Variants in SORCS3 observed in about 807,000 individuals in gnomAD.
The protein encoded by SORCS3 is sortilin related VPS10 domain containing receptor 3, also known as VPS10 domain-containing receptor SorCS3.
A neutral mutation model predicts 146.3 loss-of-function variants in SORCS3; 57 were observed. That is an observed-to-expected ratio of 0.39 (90% CI 0.31 to 0.49). The LOEUF is 0.49. SORCS3 is among the 20% of genes least tolerant of loss of function. The pLI is 0.92. For synonymous variants in SORCS3, 653 were observed against 618.5 expected (o/e 1.06, Z -0.83); for missense variants, 1,341 against 1,575.5 (o/e 0.85, Z 2.52).
chr10:104,755,206 T>C (rs1253828621), intron 1 of SORCS3, among the ~76,000 whole-genome samples: 1 of 152,224 alleles, frequency 6.6e-6, no homozygotes, highest in African/African-American at 2.4e-5. Flanking sequence ...AATGATTTGG[T>C]ACATTCATTC....
chr10:104,711,139 A>G (rs58848078), intron 1 of SORCS3, among the ~76,000 whole-genome samples: 1,675 of 152,326 alleles, frequency 0.011, 31 homozygotes, highest in African/African-American at 0.038. Flanking sequence ...CACTTACAAT[A>G]TACCAGGTAC....
At chr10:105,108,886 A>G (rs542280450) in intron 7 of SORCS3, among the ~76,000 whole-genome samples, 1 of 152,158 alleles carries the variant, frequency 6.6e-6, no homozygotes, top group African/African-American at 2.4e-5. Flanking sequence ...CATTTAATCC[A>G]CCTTTTTCTT....
intron 3 of SORCS3, among the ~76,000 whole-genome samples, chr10:104,943,153 G>A (rs1028017816): frequency 2.6e-5 from 4 of 151,848 alleles, no homozygotes; most frequent in African/African-American, 7.3e-5. Flanking sequence ...TTTAAGAGAC[G>A]GAGTTTTGCT....
chr10:105,241,087 T>A (rs1490345172), intron 20 of SORCS3, among the ~76,000 whole-genome samples: 5 of 152,184 alleles, frequency 3.3e-5, no homozygotes, highest in Non-Finnish European at 5.9e-5. Flanking sequence ...TATTTTTTTG[T>A]TTGTATACTT....
intron 1 of SORCS3, among the ~76,000 whole-genome samples, chr10:104,656,134 G>T (rs1458902015): frequency 1.3e-5 from 2 of 152,186 alleles, no homozygotes; most frequent in Admixed American, 6.5e-5. Context: ...CAGAGAGGGA[G>T]ATGCAGATGA....
At position 104,698,041 on chromosome 10, in the gene SORCS3, G is replaced by A. The variant is rs182989230; in HGVS notation, c.627+56087G>A. On this transcript the variant is annotated intron_variant, in intron 1 of 26. Transcript: ENST00000369701. ...AGTTTTTTGTACTATATTACCAAAT[G>A]TTCAGAGAAGGAAGTTTTCATGAGG... is the stretch of plus-strand genomic sequence containing the variant. Among the ~76,000 whole-genome samples the A allele has an allele frequency of 2.3e-4, 35 of 152,278 alleles. No individual in the cohort carries two copies. The South Asian group carries it at 4.4e-3, about 19-fold the overall frequency.
At chr10:104,761,991 C>A (rs1180945922) in intron 1 of SORCS3, among the ~76,000 whole-genome samples, 1 of 152,218 alleles carries the variant, frequency 6.6e-6, no homozygotes, top group African/African-American at 2.4e-5. Flanking sequence ...AAATTCTAAA[C>A]TTCCGAAACC....
At chr10:104,937,132 C>T (rs2019268101) in intron 3 of SORCS3, among the ~76,000 whole-genome samples, 1 of 152,182 alleles carries the variant, frequency 6.6e-6, no homozygotes, top group African/African-American at 2.4e-5. Context: ...CTTGTATGTG[C>T]AGTTCACAGG....
intron 5 of SORCS3, among the ~76,000 whole-genome samples, chr10:105,080,511 GA>G (rs1480842073): frequency 6.6e-6 from 1 of 152,018 alleles, no homozygotes; most frequent in African/African-American, 2.4e-5. Context: ...TCTATTGATA[GA>G]TTTTTTGCTG....
chr10:104,902,332 G>T (rs1367814755), intron 2 of SORCS3, among the ~76,000 whole-genome samples: 1 of 152,136 alleles, frequency 6.6e-6, no homozygotes, highest in Non-Finnish European at 1.5e-5. Context: ...TTTACCCAGG[G>T]GAGCACCCAT....
chr10:104,789,676 G>A, intron 1 of SORCS3, among the ~76,000 whole-genome samples: 1 of 152,166 alleles, frequency 6.6e-6, no homozygotes, highest in Non-Finnish European at 1.5e-5. Flanking sequence ...ATGAATGGAT[G>A]CAATGGATGC....
At position 105,157,296 on chromosome 10, in the gene SORCS3, A is replaced by T; in HGVS notation, c.1629+12A>T. The T allele has an allele frequency of 6.2e-7, 1 of 1,613,430 alleles. No individual in the cohort carries two copies. The highest frequency in any genetic ancestry group is 2.2e-5 in the East Asian group (1 of 44,834). The stretch of plus-strand genomic sequence containing the variant: ...TGCACTGCCTGCTGGTCAGTCACTC[A>T]GCCTCATGGGAAGTTCACAGGGCAG... On this transcript the variant is annotated intron_variant, in intron 10 of 26. Coordinates refer to ENST00000369701, the MANE Select transcript of SORCS3 (RefSeq NM_014978.3).
chr10:104,641,922 G>T lies in SORCS3; in HGVS notation c.595G>T (p.Ala199Ser). The T allele has an allele frequency of 6.3e-7, 1 of 1,595,436 alleles. No homozygotes were observed. The highest frequency in any genetic ancestry group is 8.5e-7 in the Non-Finnish European group (1 of 1,177,928). Residue 199 changes from alanine to serine, a missense_variant, in exon 1 of 27, where the codon GCC (alanine) becomes TCC (serine). Ala to Ser is a moderately conservative substitution (Grantham distance 99). Coordinates refer to ENST00000369701, the MANE Select transcript of SORCS3 (RefSeq NM_014978.3). The surrounding 1 kb of genome is among the most constrained non-coding windows in gnomAD (Gnocchi z 6.4). ...GACCGGGGACTCGGCCCACAACCAA[G>T]CCATGGTGCACTGGTCGGGACACAA... ...ALTGDSAHNQ[A>S]MVHWSGHNSS...
intron 4 of SORCS3, among the ~76,000 whole-genome samples, chr10:105,035,107 G>C (rs191507777): frequency 1.6e-4 from 25 of 152,302 alleles, no homozygotes; most frequent in Admixed American, 9.8e-4. Context: ...TCAAACTGGG[G>C]CTCAAAAACA....
chr10:104,819,814 G>A (rs900946773), intron 1 of SORCS3, among the ~76,000 whole-genome samples: 6 of 152,214 alleles, frequency 3.9e-5, no homozygotes, highest in African/African-American at 1.4e-4. Flanking sequence ...CTCAACAGCT[G>A]AGATGTGGAA....
At chr10:104,721,724 A>T (rs2016552069) in intron 1 of SORCS3, among the ~76,000 whole-genome samples, 1 of 151,870 alleles carries the variant, frequency 6.6e-6, no homozygotes, top group Non-Finnish European at 1.5e-5. Context: ...TAGGTATTTT[A>T]TCCTCTTTGA....
intron 14 of SORCS3, among the ~76,000 whole-genome samples, chr10:105,187,590 C>T (rs1232063411): frequency 7.2e-5 from 11 of 152,126 alleles, no homozygotes; most frequent in Non-Finnish European, 2.9e-5. Context: ...CAGCTTCCTT[C>T]ATGGAGGGAG....
intron 2 of SORCS3, among the ~76,000 whole-genome samples, chr10:104,853,679 C>G (rs1199386694): frequency 1.3e-5 from 2 of 152,142 alleles, no homozygotes; most frequent in African/African-American, 4.8e-5. Flanking sequence ...GTTTCCTGGC[C>G]CAGCTGGCCC....
intron 4 of SORCS3, among the ~76,000 whole-genome samples, chr10:105,023,970 AATTCACTT>A (rs1181692332): frequency 6.6e-6 from 1 of 152,146 alleles, no homozygotes; most frequent in African/African-American, 2.4e-5. Context: ...GAGTAGTTCC[AATTCACTT>A]ACTCACGCAG....
Sources: allele counts gnomAD v4.1 joint callset (sites outside exome capture counted in the v4.1 genomes callset), GRCh38; gene constraint gnomAD v4.1.1; non-coding constraint Gnocchi (gnomAD v3.1); transcripts MANE v1.5; gene names NCBI Gene and HGNC (gene_info 2026-07-23, HGNC 2026-07-21).